The following LRRC38 variants were observed in gnomAD, a reference collection of about 807,000 sequenced individuals.
LRRC38 encodes leucine-rich repeat-containing protein 38.
Under a neutral mutation model 16.4 loss-of-function variants are expected in LRRC38, and 5 were observed. The observed-to-expected ratio is 0.31, with a 90% confidence interval of 0.16 to 0.64. The LOEUF (loss-of-function observed/expected upper bound fraction) is 0.64. LRRC38 is among the 30% of genes least tolerant of loss of function. The pLI is 0.80. For missense variants in LRRC38, 341 were observed against 401.8 expected (o/e 0.85, Z 1.29); for synonymous variants, 191 against 190.2 (o/e 1.00, Z -0.04).
intron 1 of LRRC38, among the ~76,000 whole-genome samples, chr1:13,512,685 A>G (rs1369281527): frequency 6.6e-6 from 1 of 152,144 alleles, no homozygotes. Context: ...CAGGGAGATG[A>G]TCCTGGGCAT....
At chr1:13,506,113 T>A (rs1422261769) in intron 1 of LRRC38, among the ~76,000 whole-genome samples, 11 of 151,940 alleles carry the variant, frequency 7.2e-5, no homozygotes, top group Non-Finnish European at 2.9e-5. Context: ...GGTCACAGGA[T>A]AAGCACAGCA....
rs143590711 is a variant in LRRC38, at chr1:13,484,423, TGTAA to T, written c.632-8328_632-8325del. Among the ~76,000 whole-genome samples, 1,478 of 152,300 alleles carry T rather than the reference TGTAA, an allele frequency of 9.7e-3. 30 individuals are homozygous for T. The highest frequency in any genetic ancestry group is 0.034 in the African/African-American group (1,401 of 41,568). On this transcript the variant is annotated intron_variant, in intron 1 of 1. Transcript: ENST00000376085. Reference sequence around the variant, plus strand: ...CTGCTGTATTCCTAGTACTAGAACCTGTAAGTGATATTTTTGAATCAACATGTGA... The same window carrying T: ...CTGCTGTATTCCTAGTACTAGAACCTGTGATATTTTTGAATCAACATGTGA...
intron 1 of LRRC38, among the ~76,000 whole-genome samples, chr1:13,481,637 C>T (rs901895455): frequency 2.6e-5 from 4 of 151,414 alleles, no homozygotes; most frequent in African/African-American, 7.3e-5. Context: ...CCTTGTGATC[C>T]GCCCGCCTTG....
chr1:13,490,241 C>A (rs1280213782), intron 1 of LRRC38, among the ~76,000 whole-genome samples: 1 of 152,092 alleles, frequency 6.6e-6, no homozygotes, highest in African/African-American at 2.4e-5. Context: ...TCACTGTAAC[C>A]TCCGCCTCTC....
chr1:13,506,944 C>A (rs1388361058), intron 1 of LRRC38, among the ~76,000 whole-genome samples: 4 of 152,220 alleles, frequency 2.6e-5, no homozygotes, highest in African/African-American at 9.7e-5. Flanking sequence ...TACCTACTGG[C>A]GATACTGTCC....
At chr1:13,477,149 GACTTGA>G (rs1638797227) in intron 1 of LRRC38, among the ~76,000 whole-genome samples, 1 of 152,166 alleles carries the variant, frequency 6.6e-6, no homozygotes. Context: ...ATGTTGCCCA[GACTTGA>G]ACTTGTACTT....
intron 1 of LRRC38, among the ~76,000 whole-genome samples, 187 bp from the exon 2 acceptor site, chr1:13,476,286 A>G (rs575069031): frequency 6.7e-6 from 1 of 150,302 alleles, no homozygotes; most frequent in African/African-American, 2.4e-5. Context: ...AGTGATCACC[A>G]TGGGAAAAGT....
chr1:13,497,962 CAAAAAAAAA>C (rs370605050), intron 1 of LRRC38, among the ~76,000 whole-genome samples: 5 of 69,024 alleles, frequency 7.2e-5, no homozygotes, highest in African/African-American at 1.7e-4. Context: ...AACTCCATCA[CAAAAAAAAA>C]AAAAAAAAAA....
chr1:13,480,475 TA>T (rs1426404080), intron 1 of LRRC38, among the ~76,000 whole-genome samples: 4 of 152,238 alleles, frequency 2.6e-5, no homozygotes, highest in Non-Finnish European at 5.9e-5. Flanking sequence ...TGTAGACTTT[TA>T]AATTTTTTTG....
At chr1:13,484,142 C>T (rs191970866) in intron 1 of LRRC38, among the ~76,000 whole-genome samples, 19 of 152,240 alleles carry the variant, frequency 1.2e-4, no homozygotes, top group Admixed American at 1.0e-3. Flanking sequence ...AAACGCCCCG[C>T]GCAGGCCACC....
At chr1:13,482,345 G>A (rs1638879745) in intron 1 of LRRC38, among the ~76,000 whole-genome samples, 1 of 152,090 alleles carries the variant, frequency 6.6e-6, no homozygotes, top group Non-Finnish European at 1.5e-5. Context: ...GGGAGGCTGA[G>A]GCGGGTGGAT....
chr1:13,500,751 C>T lies in LRRC38; in HGVS notation c.631+12212G>A, dbSNP rs569963429. Among the ~76,000 whole-genome samples, 180 of 152,292 alleles carry T rather than the reference C, an allele frequency of 1.2e-3. 4 individuals are homozygous for T. The highest frequency in any genetic ancestry group is 2.1e-4 in the Non-Finnish European group (14 of 68,034). ...AATAAACTTTCTAAACTGATTGAGA[C>T]CTGTCTCAGATACCTTTTGGTTTAC... is the stretch of plus-strand genomic sequence containing the variant. On this transcript the variant is annotated intron_variant, in intron 1 of 1. Transcript: ENST00000376085.
At chr1:13,510,863 T>C (rs990652376) in intron 1 of LRRC38, among the ~76,000 whole-genome samples, 6 of 152,180 alleles carry the variant, frequency 3.9e-5, no homozygotes, top group Admixed American at 3.9e-4. Context: ...CAAACCTGAA[T>C]GCGGGTCTCA....
At position 13,510,053 on chromosome 1, in the gene LRRC38, G is replaced by C. The variant is rs111665452; in HGVS notation, c.631+2910C>G. 9.5e-3 allele frequency among the ~76,000 whole-genome samples: 1,442 copies of C among 152,242 alleles called. 23 individuals carry two copies. The highest frequency in any genetic ancestry group is 0.032 in the African/African-American group (1,330 of 41,550). On this transcript the variant is annotated intron_variant, in intron 1 of 1. Coordinates refer to ENST00000376085, the MANE Select transcript of LRRC38 (RefSeq NM_001010847.2). ...CAGGTGACGCTTTGAGAAACACCAC[G>C]GTGCTCCCCACTTTTGTGTCTTTAT... is the stretch of plus-strand genomic sequence containing the variant.
intron 1 of LRRC38, among the ~76,000 whole-genome samples, chr1:13,498,846 T>A (rs1228573561): frequency 6.6e-6 from 1 of 152,094 alleles, no homozygotes; most frequent in Non-Finnish European, 1.5e-5. Flanking sequence ...ACATCTGAGA[T>A]CAAGGCATCG....
chr1:13,482,047 A>T (rs1447979014), intron 1 of LRRC38, among the ~76,000 whole-genome samples: 1 of 152,180 alleles, frequency 6.6e-6, no homozygotes, highest in Non-Finnish European at 1.5e-5. Flanking sequence ...TTTAGTCAAT[A>T]AATAGACATT....
At chr1:13,497,406 C>T (rs914674564) in intron 1 of LRRC38, among the ~76,000 whole-genome samples, 1 of 152,154 alleles carries the variant, frequency 6.6e-6, no homozygotes, top group African/African-American at 2.4e-5. Flanking sequence ...CTTTTGGGTT[C>T]TCAGCCTGAA....
intron 1 of LRRC38, among the ~76,000 whole-genome samples, chr1:13,497,471 G>C (rs1379921641): frequency 6.6e-6 from 1 of 151,914 alleles, no homozygotes; most frequent in Admixed American, 6.6e-5. Flanking sequence ...GAGATTTGAG[G>C]GGCCACAAAA....
chr1:13,511,918 A>T (rs1639278124), intron 1 of LRRC38, among the ~76,000 whole-genome samples: 1 of 152,216 alleles, frequency 6.6e-6, no homozygotes, highest in South Asian at 2.1e-4. Flanking sequence ...TTCAGCACAC[A>T]GATGAACAGC....
Sources: allele counts gnomAD v4.1 joint callset (sites outside exome capture counted in the v4.1 genomes callset), GRCh38; gene constraint gnomAD v4.1.1; transcripts MANE v1.5; gene names NCBI Gene and HGNC (gene_info 2026-07-23, HGNC 2026-07-21).